The following CFAP47 variants were observed in gnomAD, a reference collection of about 807,000 sequenced individuals.
CFAP47 encodes the protein cilia and flagella associated protein 47.
CFAP47 carries 29 observed loss-of-function variants against 148.1 expected under a neutral mutation model. The ratio of observed to expected loss-of-function variants is 0.20; its 90% confidence interval spans 0.15 to 0.27. CFAP47 has a LOEUF of 0.27. Among genes scored for constraint, CFAP47 ranks in the 10% least tolerant of loss-of-function variants. CFAP47 has a pLI of 1.00. For missense variants in CFAP47, 1,872 were observed against 1,697.5 expected (o/e 1.10, Z -1.81); for synonymous variants, 664 against 577.3 (o/e 1.15, Z -2.15).
chrX:36,261,344 T>TC (rs1940818590), intron 49 of CFAP47, among the ~76,000 whole-genome samples: 1 of 95,626 alleles, frequency 1.0e-5, no homozygotes, highest in Non-Finnish European at 2.1e-5. Flanking sequence ...TTTTTTTTTT[T>TC]CATTGATCAT....
chrX:35,970,547 C>G (rs773519947), intron 10 of CFAP47, among the ~76,000 whole-genome samples: 1 of 110,395 alleles, frequency 9.1e-6, no homozygotes, highest in African/African-American at 3.3e-5. Flanking sequence ...GACCTTACAA[C>G]GGATTTTTTT....
chrX:36,264,705 A>G (rs782786361), intron 49 of CFAP47, among the ~76,000 whole-genome samples: 1 of 111,920 alleles, frequency 8.9e-6, no homozygotes, highest in South Asian at 3.8e-4. Flanking sequence ...ACAGATATAA[A>G]GCCAAGTACT....
intron 56 of CFAP47, among the ~76,000 whole-genome samples, chrX:36,318,246 A>G (rs1556011400): frequency 2.7e-5 from 3 of 112,519 alleles, no homozygotes; most frequent in Non-Finnish European, 5.6e-5. Flanking sequence ...ACCAGTTAGC[A>G]CTATCAACTC....
Position 35,989,177 on chromosome X carries a change from A to G in CFAP47, c.2714-142A>G, listed in dbSNP as rs757686769. The G allele has an allele frequency of 6.2e-4, 294 of 473,592 alleles. No homozygotes were observed. The African/African-American group carries it at 6.3e-3, about 10-fold the overall frequency. The allele number at this position is 473,592 out of a possible 1,213,427, so 39.0% of individuals were successfully genotyped here. ...CTCATTTGATAATATCTCACTTAGC[A>G]TTTTTCTGTTTTTGGAGTTTAATTT... On this transcript the variant is annotated intron_variant, in intron 15 of 63. Coordinates refer to ENST00000378653, the MANE Select transcript of CFAP47 (RefSeq NM_001304548.2).
chrX:36,074,670 A>G (rs1921360581), intron 29 of CFAP47, among the ~76,000 whole-genome samples: 1 of 111,427 alleles, frequency 9.0e-6, no homozygotes, highest in African/African-American at 3.3e-5. Flanking sequence ...TATGGTATAT[A>G]TATGTACAGT....
intron 58 of CFAP47, among the ~76,000 whole-genome samples, chrX:36,349,296 C>T (rs1556017061): frequency 1.8e-5 from 2 of 111,354 alleles, no homozygotes; most frequent in East Asian, 5.7e-4. Context: ...TGGAGTCACA[C>T]TCTGTTGCCC....
intron 21 of CFAP47, among the ~76,000 whole-genome samples, chrX:36,005,471 C>G (rs1376598177): frequency 8.9e-6 from 1 of 111,981 alleles, no homozygotes; most frequent in African/African-American, 3.2e-5. Flanking sequence ...TTAATTTCCA[C>G]ATATTTGTGC....
chrX:35,944,530 C>T (rs1936057589), intron 3 of CFAP47, among the ~76,000 whole-genome samples: 1 of 111,205 alleles, frequency 9.0e-6, no homozygotes, highest in Admixed American at 9.6e-5. Context: ...GAGCCTCATA[C>T]ATATTTAGTG....
intron 15 of CFAP47, among the ~76,000 whole-genome samples, chrX:35,979,221 C>T (rs1675533424): frequency 9.0e-6 from 1 of 110,830 alleles, no homozygotes; most frequent in South Asian, 3.8e-4. Flanking sequence ...TCAGGTGATC[C>T]GCCTGCCTCG....
At chrX:36,061,032 A>G (rs761571561) in intron 26 of CFAP47, among the ~76,000 whole-genome samples, 2 of 111,563 alleles carry the variant, frequency 1.8e-5, no homozygotes, top group African/African-American at 3.3e-5. Context: ...GTAAGCCCCA[A>G]TATTGGAGGA....
intron 54 of CFAP47, 57 bp downstream of exon 54, chrX:36,304,017 G>T: frequency 1.8e-6 from 1 of 566,840 alleles, no homozygotes; most frequent in South Asian, 3.1e-5. Context: ...TTCCAATTCT[G>T]ATTTTGGGAC....
chrX:36,234,874 G>T (rs1940432110), intron 46 of CFAP47, among the ~76,000 whole-genome samples: 1 of 111,787 alleles, frequency 8.9e-6, no homozygotes, highest in African/African-American at 3.3e-5. Flanking sequence ...GTTTGCTAGA[G>T]GTCCACTCCA....
chrX:36,364,049 C>A (rs1941850300), intron 61 of CFAP47, among the ~76,000 whole-genome samples: 1 of 111,563 alleles, frequency 9.0e-6, no homozygotes, highest in South Asian at 3.7e-4. Context: ...GAACTTTTTA[C>A]CTGCTCAAGA....
intron 9 of CFAP47, 140 bp downstream of exon 9, chrX:35,966,894 A>T: frequency 3.0e-6 from 1 of 336,433 alleles, no homozygotes; most frequent in Non-Finnish European, 5.1e-6. Flanking sequence ...ACCGAGCTGC[A>T]ACTATCAGGT....
intron 37 of CFAP47, among the ~76,000 whole-genome samples, chrX:36,157,195 C>T (rs1939378342): frequency 8.9e-6 from 1 of 112,143 alleles, no homozygotes; most frequent in Non-Finnish European, 1.9e-5. Flanking sequence ...ATTAGAATGA[C>T]AGCTAATTTT....
intron 57 of CFAP47, among the ~76,000 whole-genome samples, chrX:36,329,192 A>G (rs6629076): frequency 0.11 from 12,323 of 111,210 alleles, 562 homozygotes; most frequent in East Asian, 0.26. Flanking sequence ...TATGATAAAG[A>G]TTATCATCAC....
chrX:35,951,194 T>C lies in CFAP47; in HGVS notation c.720T>C (p.Ile240=). The C allele has an allele frequency of 8.3e-7, 1 of 1,211,187 alleles. No individual in the cohort carries two copies. Among genetic ancestry groups the C allele is most frequent in the Non-Finnish European group, 1.1e-6 (1 of 895,146 alleles). ...TCAAAGCTCATGTGGTTGAGCAGATTATTGAATTATTAAGCATGAGTAGTG... is the reference window on the plus strand; with the variant it reads ...TCAAAGCTCATGTGGTTGAGCAGATCATTGAATTATTAAGCATGAGTAGTG... The part of the protein sequence containing the change: ...LSIKAHVVEQ[I]IELLSMSSDR... The change falls in exon 5 of 64, where the codon ATT becomes ATC. Residue 240 remains isoleucine, a synonymous_variant. Transcript: ENST00000378653.
intron 48 of CFAP47, among the ~76,000 whole-genome samples, chrX:36,237,943 A>G (rs1054306819): frequency 3.6e-5 from 4 of 111,363 alleles, no homozygotes; most frequent in Non-Finnish European, 5.7e-5. Context: ...TTCTAAATGA[A>G]ACTCTTATCT....
intron 57 of CFAP47, among the ~76,000 whole-genome samples, chrX:36,341,216 T>A (rs1748214710): frequency 9.1e-6 from 1 of 109,555 alleles, no homozygotes; most frequent in South Asian, 3.9e-4. Flanking sequence ...TTTGTATTTT[T>A]AGTAGAGACA....
Sources: allele counts gnomAD v4.1 joint callset (sites outside exome capture counted in the v4.1 genomes callset), GRCh38; gene constraint gnomAD v4.1.1; transcripts MANE v1.5; gene names NCBI Gene and HGNC (gene_info 2026-07-23, HGNC 2026-07-21).